Variants in SLC6A13 observed in about 807,000 individuals in gnomAD.
SLC6A13 encodes solute carrier family 6 member 13.
Under a neutral mutation model 72.9 loss-of-function variants are expected in SLC6A13, and 69 were observed. That is an observed-to-expected ratio of 0.95 (90% confidence interval 0.78 to 1.16). The LOEUF is 1.16. Ranked by LOEUF, SLC6A13 falls within the 50% of genes most tolerant of loss-of-function variation. The pLI, the probability that SLC6A13 is intolerant of heterozygous loss-of-function variation, is 0.00. For missense variants in SLC6A13, 735 were observed against 760.5 expected (o/e 0.97, Z 0.39); for synonymous variants, 303 against 303.0 (o/e 1.00, Z 0.00).
At chr12:262,488 A>G (rs1170000350) in intron 1 of SLC6A13, among the ~76,000 whole-genome samples, 1 of 152,222 alleles carries the variant, frequency 6.6e-6, no homozygotes, top group Non-Finnish European at 1.5e-5. Context: ...AGAGTTGATC[A>G]TTGTTCTCTT....
At chr12:226,610 G>A (rs886630160) in intron 8 of SLC6A13, 96 bp from the exon 9 acceptor site, 30 of 1,461,298 alleles carry the variant, frequency 2.1e-5, no homozygotes, top group South Asian at 6.8e-5. Flanking sequence ...CCCTCCTGGC[G>A]GACACTGTCC....
In SLC6A13 at chr12:260,027, G is replaced by T; in HGVS notation, c.26C>A (p.Thr9Asn). 1 of 1,614,040 alleles carries T rather than the reference G, an allele frequency of 6.2e-7. No individual in the cohort carries two copies. The highest frequency in any genetic ancestry group is 2.2e-5 in the East Asian group (1 of 44,876). ...CACTGGTTTTGTCTCTCCATTACTG[G>T]TTGTGCCTGAGACCCTGCTATCCAT... Reference protein sequence around the residue: MDSRVSGTTSNGETKPVYP... With the variant: MDSRVSGTNSNGETKPVYP... Residue 9 changes from threonine (T) to asparagine (N), a missense_variant, in exon 2 of 15, where the codon ACC becomes AAC. Thr to Asn is a moderately conservative substitution (Grantham distance 65). Transcript: ENST00000343164.
At chr12:224,763 G>C (rs1316988002) in intron 9 of SLC6A13, among the ~76,000 whole-genome samples, 1 of 152,090 alleles carries the variant, frequency 6.6e-6, no homozygotes, top group Non-Finnish European at 1.5e-5. Context: ...TAGGTGTAGA[G>C]GGCTGTGGGT....
At chr12:260,664 T>A (rs1027767839) in intron 1 of SLC6A13, among the ~76,000 whole-genome samples, 1 of 150,476 alleles carries the variant, frequency 6.6e-6, no homozygotes, top group African/African-American at 2.5e-5. Context: ...CTATATATAA[T>A]CATTAAAACC....
chr12:226,456 T>C lies in SLC6A13; in HGVS notation c.994A>G (p.Ile332Val), dbSNP rs779921619. 5 of 1,614,070 alleles carry C rather than the reference T, an allele frequency of 3.1e-6. 1 individual carries two copies. The highest frequency in any genetic ancestry group is 4.2e-6 in the Non-Finnish European group (5 of 1,179,964). The change falls in exon 9 of 15, where the codon ATC (isoleucine) becomes GTC (valine). Residue 332 changes from isoleucine (I) to valine (V), a missense_variant. Transcript: ENST00000343164. ...SGTSFVAGFAIFSILGFMSQE... is the reference protein window; with the variant it reads ...SGTSFVAGFAVFSILGFMSQE... ...GACATGAAGCCCAGGATGGAGAAGA[T>C]GGCAAAGCCGGCCACAAAGCTGGTG...
At chr12:258,748 C>G (rs900712845) in intron 2 of SLC6A13, among the ~76,000 whole-genome samples, 9 of 152,126 alleles carry the variant, frequency 5.9e-5, no homozygotes, top group African/African-American at 2.2e-4. Flanking sequence ...GTGGGGATAG[C>G]AGAGTTACCC....
intron 2 of SLC6A13, among the ~76,000 whole-genome samples, chr12:245,360 C>T (rs1199652405): frequency 1.3e-5 from 2 of 152,160 alleles, no homozygotes; most frequent in South Asian, 2.1e-4. Flanking sequence ...TTCACTGATC[C>T]CAGAACAGAG....
Position 227,610 on chromosome 12 carries a change from A to G in SLC6A13, c.890T>C (p.Leu297Pro). The change falls in exon 8 of 15, where the codon CTG becomes CCG. Residue 297 changes from leucine (L) to proline (P), a missense_variant. Coordinates refer to ENST00000343164, the MANE Select transcript of SLC6A13 (RefSeq NM_016615.5). ...FFSFAICLGC[L>P]TALGSYNKYH... ...CTTGTTGTAGCTGCCCAGGGCTGTCAGGCACCCAAGACAGATGGCGAAGGA... is the reference window on the plus strand; with the variant it reads ...CTTGTTGTAGCTGCCCAGGGCTGTCGGGCACCCAAGACAGATGGCGAAGGA... 1 of 1,613,958 alleles carries G rather than the reference A, an allele frequency of 6.2e-7. No homozygotes were observed.
At chr12:258,349 C>G (rs1198985663) in intron 2 of SLC6A13, among the ~76,000 whole-genome samples, 1 of 152,222 alleles carries the variant, frequency 6.6e-6, no homozygotes, top group African/African-American at 2.4e-5. Context: ...CCCACACCTC[C>G]CCTCTGTATT....
rs555833859 is a variant in SLC6A13 at position 223,974 on chromosome 12, C to T, written c.1311+18G>A. On this transcript the variant is annotated intron_variant, in intron 11 of 14. Transcript: ENST00000343164. Reference sequence around the variant, plus strand: ...TGGCTCCTCCTCCCCAGCCTTCCCCCGCTTCCCAGGCCCTCACCTCTGTGA... The same window carrying T: ...TGGCTCCTCCTCCCCAGCCTTCCCCTGCTTCCCAGGCCCTCACCTCTGTGA... The T allele has an allele frequency of 8.0e-5, 129 of 1,612,828 alleles. 3 individuals carry two copies. The South Asian group carries it at 9.6e-4, about 12-fold the overall frequency.
intron 2 of SLC6A13, among the ~76,000 whole-genome samples, chr12:245,550 C>T (rs144838083): frequency 3.9e-5 from 6 of 152,130 alleles, no homozygotes; most frequent in Admixed American, 6.5e-5. Context: ...CATGGTGGCA[C>T]GCACCTGTAG....
intron 2 of SLC6A13, chr12:259,541 G>A: frequency 1.5e-6 from 2 of 1,370,450 alleles, no homozygotes; most frequent in South Asian, 4.0e-5. Context: ...TGCTCTGAGA[G>A]CTTAAGTAAC....
chr12:230,518 A>G (rs61906960), intron 7 of SLC6A13, among the ~76,000 whole-genome samples: 9 of 152,188 alleles, frequency 5.9e-5, no homozygotes, highest in Non-Finnish European at 1.2e-4. Context: ...AAATGGGTAT[A>G]ATAACAAATA....
At chr12:232,405 C>G (rs1941747425) in intron 7 of SLC6A13, among the ~76,000 whole-genome samples, 1 of 152,240 alleles carries the variant, frequency 6.6e-6, no homozygotes, top group South Asian at 2.1e-4. Flanking sequence ...CCCCTCCACT[C>G]AGCTTCCCCC....
intron 2 of SLC6A13, among the ~76,000 whole-genome samples, chr12:257,668 GAC>G (rs552547875): frequency 6.6e-4 from 100 of 152,202 alleles, no homozygotes; most frequent in African/African-American, 2.1e-3. Flanking sequence ...TCCCACACAA[GAC>G]ACAGTCAACA....
At chr12:232,444 A>T (rs908055032) in intron 7 of SLC6A13, among the ~76,000 whole-genome samples, 2 of 152,192 alleles carry the variant, frequency 1.3e-5, no homozygotes, top group African/African-American at 2.4e-5. Flanking sequence ...CCTACCATCC[A>T]TCACAACCCT....
chr12:255,672 G>T (rs1271497679), intron 2 of SLC6A13, among the ~76,000 whole-genome samples: 1 of 152,246 alleles, frequency 6.6e-6, no homozygotes, highest in African/African-American at 2.4e-5. Context: ...CTCCAGCCTG[G>T]GTGACAGAGC....
At chr12:229,443 G>T (rs762907762) in intron 7 of SLC6A13, among the ~76,000 whole-genome samples, 4 of 152,194 alleles carry the variant, frequency 2.6e-5, no homozygotes, top group Non-Finnish European at 4.4e-5. Context: ...AAAACTCACT[G>T]ACGTTGGCAT....
rs1941461569 is a variant in SLC6A13, at chr12:226,514, C to T, written c.936G>A (p.Arg312=). 1 of 1,613,454 alleles carries T rather than the reference C, an allele frequency of 6.2e-7. No individual in the cohort carries two copies. Among genetic ancestry groups the T allele is most frequent in the Non-Finnish European group, 8.5e-7 (1 of 1,179,706 alleles). ...TGAGGAAGCAGAGGGCGATGCAGTC[C>T]CTGTGGGGCAGGGGTGAGGAGAGGG... ...SYNKYHNNCY[R]DCIALCFLNS... Residue 312 remains arginine, a splice_region_variant and synonymous_variant, in exon 9 of 15, where the codon AGG becomes AGA. Transcript: ENST00000343164.
Sources: allele counts gnomAD v4.1 joint callset (sites outside exome capture counted in the v4.1 genomes callset), GRCh38; gene constraint gnomAD v4.1.1; transcripts MANE v1.5; gene names NCBI Gene and HGNC (gene_info 2026-07-23, HGNC 2026-07-21).